CFAP77: variants seen among roughly 807,000 people sequenced by gnomAD.
CFAP77 encodes the protein cilia and flagella associated protein 77.
CFAP77 carries 25 observed loss-of-function variants against 31.1 expected under a neutral mutation model. The ratio of observed to expected loss-of-function variants is 0.80; its 90% CI spans 0.59 to 1.12. The LOEUF is 1.12. Ranked by LOEUF, CFAP77 falls within the 50% of genes most tolerant of loss-of-function variation. The probability of loss-of-function intolerance (pLI) is 0.00; values close to 1 mark genes in which losing one functional copy is unlikely to be tolerated. For missense variants in CFAP77, 377 were observed against 397.3 expected, an observed-to-expected ratio of 0.95 and a Z score of 0.44; for synonymous variants, 151 against 159.9, an observed-to-expected ratio of 0.94 and a Z score of 0.42.
chr9:132,531,301 C>T (rs1442396565), intron 3 of CFAP77, among the ~76,000 whole-genome samples: 1 of 152,192 alleles, frequency 6.6e-6, no homozygotes, highest in African/African-American at 2.4e-5. Flanking sequence ...CCATACCCGC[C>T]CTCGTGATGT....
chr9:132,439,035 C>A (rs916789786), intron 1 of CFAP77, among the ~76,000 whole-genome samples: 2 of 151,846 alleles, frequency 1.3e-5, no homozygotes, highest in Admixed American at 6.6e-5. Context: ...ACCACTACAC[C>A]CAGCTAATTT....
intron 1 of CFAP77, among the ~76,000 whole-genome samples, chr9:132,463,209 A>G (rs541142): frequency 0.47 from 70,810 of 152,066 alleles, 16,475 homozygotes; most frequent in East Asian, 0.62. Context: ...ACTTTTCAGC[A>G]CCAATGACAT....
chr9:132,433,881 A>C lies in CFAP77; in HGVS notation c.195+23415A>C, dbSNP rs372498193. ...CATCTTTTAAAACCCAGCTTTGGTC[A>C]GGCGCTCATGCCTGTAATTACAGTA... On this transcript the variant is annotated intron_variant, in intron 1 of 5. Transcript: ENST00000393216. 4.0e-5 allele frequency among the ~76,000 whole-genome samples: 6 copies of C among 150,810 alleles called. No individual in the cohort carries two copies. The East Asian group carries it at 9.8e-4, about 25-fold the overall frequency.
intron 1 of CFAP77, among the ~76,000 whole-genome samples, chr9:132,470,796 G>T (rs1349425235): frequency 1.3e-5 from 2 of 152,166 alleles, no homozygotes; most frequent in African/African-American, 2.4e-5. Context: ...ATCACTTGAG[G>T]CCAGGAGTTC....
Position 132,540,853 on chromosome 9 carries a change from G to A in CFAP77, c.631-2093G>A, listed in dbSNP as rs182107520. Among the ~76,000 whole-genome samples, 7 of 152,284 alleles carry A rather than the reference G, an allele frequency of 4.6e-5. No homozygotes were observed. The East Asian group carries it at 5.8e-4, about 13-fold the overall frequency. ...GGGGAGAAGGGCAGGGGATGTGAGC[G>A]AGACGTCCTACTTCTCCCTTTTTCA... On this transcript the variant is annotated intron_variant, in intron 4 of 5. Coordinates refer to ENST00000393216, the MANE Select transcript of CFAP77 (RefSeq NM_001282957.2).
At chr9:132,562,519 A>T (rs1177705162) in intron 5 of CFAP77, among the ~76,000 whole-genome samples, 1 of 151,640 alleles carries the variant, frequency 6.6e-6, no homozygotes, top group Non-Finnish European at 1.5e-5. Flanking sequence ...CATTCTGTAA[A>T]TTTTTTTTCA....
rs1829858229 is a variant in CFAP77, at chr9:132,564,253, A to G, written c.733-8135A>G. Among the ~76,000 whole-genome samples the G allele has an allele frequency of 6.6e-6, 1 of 152,238 alleles. No homozygotes were observed. Among genetic ancestry groups the G allele is most frequent in the Non-Finnish European group, 1.5e-5 (1 of 68,042 alleles). On this transcript the variant is annotated intron_variant, in intron 5 of 5. Coordinates refer to ENST00000393216, the MANE Select transcript of CFAP77 (RefSeq NM_001282957.2). The surrounding 1 kb of genome is among the most constrained non-coding windows in gnomAD (Gnocchi z 4.6). ...AAGGGCCACATCTTAGCCTCAACCCAGGTCCCATGGACATCTTCTCTAGGA... is the reference window on the plus strand; with the variant it reads ...AAGGGCCACATCTTAGCCTCAACCCGGGTCCCATGGACATCTTCTCTAGGA...
At chr9:132,472,095 C>T (rs1851269931) in intron 1 of CFAP77, among the ~76,000 whole-genome samples, 1 of 152,116 alleles carries the variant, frequency 6.6e-6, no homozygotes, top group African/African-American at 2.4e-5. Context: ...CCCCCCGCCG[C>T]CCCCATGATT....
At chr9:132,563,251 C>T (rs893809152) in intron 5 of CFAP77, among the ~76,000 whole-genome samples, 7 of 150,914 alleles carry the variant, frequency 4.6e-5, no homozygotes, top group Admixed American at 2.0e-4. Context: ...CGAGTTTAAG[C>T]GATTCTCCTG....
At chr9:132,489,452 C>T (rs1851617527) in intron 1 of CFAP77, among the ~76,000 whole-genome samples, 1 of 152,106 alleles carries the variant, frequency 6.6e-6, no homozygotes, top group South Asian at 2.1e-4. Context: ...TGGTGTTGGA[C>T]AAGTGTGAAC....
chr9:132,480,109 G>A lies in CFAP77; in HGVS notation c.196-18586G>A, dbSNP rs1283422932. On this transcript the variant is annotated intron_variant, in intron 1 of 5. Coordinates refer to ENST00000393216, the MANE Select transcript of CFAP77 (RefSeq NM_001282957.2). This position sits in a 1 kb window ranked among gnomAD's most constrained non-coding sequence, Gnocchi z 5.8. Reference sequence around the variant, plus strand: ...GGCTCAGCCCCCTCATTTTGCAGATGGGACCACTGAGGCCAGAGAAGAGGA... The same window carrying A: ...GGCTCAGCCCCCTCATTTTGCAGATAGGACCACTGAGGCCAGAGAAGAGGA... 2.0e-5 allele frequency among the ~76,000 whole-genome samples: 3 copies of A among 152,182 alleles called. No homozygotes were observed. Among genetic ancestry groups the A allele is most frequent in the Non-Finnish European group, 4.4e-5 (3 of 68,022 alleles).
At chr9:132,496,596 G>A (rs904338160) in intron 1 of CFAP77, among the ~76,000 whole-genome samples, 4 of 152,154 alleles carry the variant, frequency 2.6e-5, no homozygotes, top group Non-Finnish European at 4.4e-5. Flanking sequence ...TGCAGGATGC[G>A]GCAGCCCTCT....
chr9:132,477,646 A>G (rs1162621556), intron 1 of CFAP77, among the ~76,000 whole-genome samples: 2 of 152,054 alleles, frequency 1.3e-5, no homozygotes, highest in Non-Finnish European at 2.9e-5. Flanking sequence ...GGCCTCTTCC[A>G]TTTCTCCCCA....
chr9:132,498,774 T>C lies in CFAP77; in HGVS notation c.275T>C (p.Leu92Pro), dbSNP rs148397666. Residue 92 changes from leucine (L) to proline (P), a missense_variant, in exon 2 of 6, where the codon CTT (leucine) becomes CCT (proline). Leu to Pro is a moderately conservative substitution (Grantham distance 98). Coordinates refer to ENST00000393216, the MANE Select transcript of CFAP77 (RefSeq NM_001282957.2). The surrounding 1 kb of genome is among the most constrained non-coding windows in gnomAD (Gnocchi z 4.2). ...NFNYGLYIRG[L>P]DGGVPEAIGR... ...AATTATGGACTCTACATCCGAGGGC[T>C]TGACGGAGGAGTCCCTGAAGGTGAG... 1,801 of 1,610,248 alleles carry C rather than the reference T, an allele frequency of 1.1e-3. 2 individuals are homozygous for C. Among genetic ancestry groups the C allele is most frequent in the Non-Finnish European group, 1.4e-3 (1,697 of 1,177,988 alleles).
At chr9:132,443,436 A>G (rs1248893141) in intron 1 of CFAP77, among the ~76,000 whole-genome samples, 1 of 152,012 alleles carries the variant, frequency 6.6e-6, no homozygotes, top group Non-Finnish European at 1.5e-5. Context: ...TATTTTTAGT[A>G]GAGTTGGGGT....
chr9:132,568,556 C>CAAAAA (rs34754814), intron 5 of CFAP77, among the ~76,000 whole-genome samples: 3 of 90,046 alleles, frequency 3.3e-5, no homozygotes, highest in East Asian at 6.5e-4. Context: ...AACTCCGCCT[C>CAAAAA]AAAAAAAAAA....
rs1281606226 is a variant in CFAP77, at chr9:132,501,142, T to C, written c.524+1542T>C. ...AATCGAAACTCACTCATGGCTCACATGATTGGAAAGTGCAGGGACAGCTTC... is the reference window on the plus strand; with the variant it reads ...AATCGAAACTCACTCATGGCTCACACGATTGGAAAGTGCAGGGACAGCTTC... On this transcript the variant is annotated intron_variant, in intron 3 of 5. Transcript: ENST00000393216. The surrounding 1 kb of genome is among the most constrained non-coding windows in gnomAD (Gnocchi z 4.6). Among the ~76,000 whole-genome samples, 3 of 152,214 alleles carry C rather than the reference T, an allele frequency of 2.0e-5. No individual in the cohort carries two copies. The highest frequency in any genetic ancestry group is 4.8e-5 in the African/African-American group (2 of 41,464).
At chr9:132,519,117 T>C (rs1037441525) in intron 3 of CFAP77, among the ~76,000 whole-genome samples, 1 of 151,762 alleles carries the variant, frequency 6.6e-6, no homozygotes, top group African/African-American at 2.4e-5. Flanking sequence ...CACCCCCATG[T>C]TCAGACATAC....
intron 5 of CFAP77, among the ~76,000 whole-genome samples, chr9:132,561,947 G>A (rs150512135): frequency 1.3e-5 from 2 of 152,324 alleles, no homozygotes; most frequent in African/African-American, 2.4e-5. Context: ...AAGGAGGAAC[G>A]GCCAATGCCT....
Sources: gnomAD v4.1 joint callset for allele counts (sites outside exome capture counted in the v4.1 genomes callset) on GRCh38, gnomAD v4.1.1 for gene constraint, Gnocchi (gnomAD v3.1) non-coding constraint, MANE v1.5 for transcripts, NCBI Gene and HGNC (gene_info 2026-07-23, HGNC 2026-07-21) for gene names.